Variants in MLXIPL observed in about 807,000 individuals in gnomAD.
The protein encoded by MLXIPL is carbohydrate-responsive element-binding protein.
MLXIPL carries 49 observed loss-of-function variants against 81.5 expected under a neutral mutation model. The ratio of observed to expected loss-of-function variants is 0.60; its 90% CI spans 0.48 to 0.76. The LOEUF (loss-of-function observed/expected upper bound fraction) is 0.76, where lower values mean the gene tolerates loss of function less well. Among genes scored for constraint, MLXIPL ranks in the 30% least tolerant of loss-of-function variants. The pLI is 0.00. For missense variants in MLXIPL, 1,053 were observed against 1,167.0 expected, an observed-to-expected ratio of 0.90 and a Z score of 1.42; for synonymous variants, 466 against 485.5, an observed-to-expected ratio of 0.96 and a Z score of 0.53.
rs1053127382 is a variant in MLXIPL, at chr7:73,623,792, G to A, written c.293+408C>T. Among the ~76,000 whole-genome samples, 5 of 152,102 alleles carry A rather than the reference G, an allele frequency of 3.3e-5. No homozygotes were observed. Among genetic ancestry groups the A allele is most frequent in the African/African-American group, 4.8e-5 (2 of 41,436 alleles). ...TGGGGAGAAGGCCGAGGCCTGCAGG[G>A]GGTCGGGTGGAGTGGCTCCAGAGTG... is the stretch of plus-strand genomic sequence containing the variant. On this transcript the variant is annotated intron_variant, in intron 1 of 16. Transcript: ENST00000313375. This position sits in a 1 kb window ranked among gnomAD's most constrained non-coding sequence, Gnocchi z 5.7.
rs1554592958 is a variant in MLXIPL at position 73,594,385 on chromosome 7, G to T, written c.2329C>A (p.Pro777Thr). ...KFWVFSILIRPLFESFNGMVS... is the reference protein window; with the variant it reads ...KFWVFSILIRTLFESFNGMVS... ...ATCCCGTTGAAGGACTCAAACAGAGGCCGGATGAGGATGCTGAACTGGGCC... is the reference window on the plus strand; with the variant it reads ...ATCCCGTTGAAGGACTCAAACAGAGTCCGGATGAGGATGCTGAACTGGGCC... Residue 777 changes from proline (P) to threonine (T), a missense_variant, in exon 16 of 17, where the codon CCT becomes ACT. Pro to Thr is a conservative substitution (Grantham distance 38). Transcript: ENST00000313375. 2.5e-6 allele frequency: 4 copies of T among 1,604,412 alleles called. No individual in the cohort carries two copies. The highest frequency in any genetic ancestry group is 3.4e-6 in the Non-Finnish European group (4 of 1,179,980).
chr7:73,625,926 T>G (rs1796716455), upstream of MLXIPL, among the ~76,000 whole-genome samples: 1 of 152,202 alleles, frequency 6.6e-6, no homozygotes, highest in African/African-American at 2.4e-5. Context: ...ACCCAGGAGC[T>G]CTGAGCCCCT....
At chr7:73,633,651 G>A in the MLXIPL span, among the ~76,000 whole-genome samples, 1 of 151,822 alleles carries the variant, frequency 6.6e-6, no homozygotes, top group African/African-American at 2.4e-5. Flanking sequence ...ACAGGATCTT[G>A]CTATATTGCC....
chr7:73,618,796 G>A (rs1031981851), intron 1 of MLXIPL, among the ~76,000 whole-genome samples: 2 of 152,140 alleles, frequency 1.3e-5, no homozygotes, highest in African/African-American at 4.8e-5. Flanking sequence ...TCCTGAGTCT[G>A]TTGTCCCTGT....
At chr7:73,624,881 G>C, upstream of MLXIPL, among the ~76,000 whole-genome samples, 1 of 151,974 alleles carries the variant, frequency 6.6e-6, no homozygotes, top group East Asian at 1.9e-4. Context: ...AATATGGCAA[G>C]ACCCCCATCT....
the MLXIPL span, among the ~76,000 whole-genome samples, chr7:73,647,179 CT>C: frequency 1.3e-5 from 2 of 152,194 alleles, no homozygotes; most frequent in African/African-American, 4.8e-5. Context: ...GCTTTCCCCC[CT>C]GGGCAGAGCA....
upstream of MLXIPL, among the ~76,000 whole-genome samples, chr7:73,629,035 T>C (rs35144872): frequency 6.6e-6 from 1 of 151,352 alleles, no homozygotes; most frequent in Non-Finnish European, 1.5e-5. Context: ...ACCACCCTTG[T>C]TCTTTTCTTT....
At chr7:73,647,888 C>G in the MLXIPL span, among the ~76,000 whole-genome samples, 1 of 151,112 alleles carries the variant, frequency 6.6e-6, no homozygotes, top group South Asian at 2.1e-4. Flanking sequence ...GCCTTCTCCG[C>G]GCGGGCGGCA....
Position 73,599,657 on chromosome 7 carries a change from G to T in MLXIPL, c.940C>A (p.Pro314Thr), listed in dbSNP as rs551672733. 5 of 1,607,838 alleles carry T rather than the reference G, an allele frequency of 3.1e-6. No homozygotes were observed. Among genetic ancestry groups the T allele is most frequent in the East Asian group, 4.5e-5 (2 of 44,742 alleles). Residue 314 changes from proline (P) to threonine (T), a missense_variant, in exon 8 of 17, where the codon CCT becomes ACT. Pro to Thr is a conservative substitution (Grantham distance 38). This residue lies in a region of MLXIPL where 823 missense variants were observed against 933.0 expected (regional missense o/e 0.88). Coordinates refer to ENST00000313375, the MANE Select transcript of MLXIPL (RefSeq NM_032951.3). Reference protein sequence around the residue: ...TNSRLPQPPMPSNFPEPPSFS... With the variant: ...TNSRLPQPPMTSNFPEPPSFS... Reference sequence around the variant, plus strand: ...CTGGGGGGCTCTGGGAAGTTTGAAGGCATGGGCGGCTGTGGGAGGCGGGAG... The same window carrying T: ...CTGGGGGGCTCTGGGAAGTTTGAAGTCATGGGCGGCTGTGGGAGGCGGGAG...
chr7:73,634,220 C>T, the MLXIPL span, among the ~76,000 whole-genome samples: 1 of 151,974 alleles, frequency 6.6e-6, no homozygotes, highest in African/African-American at 2.4e-5. Context: ...TCAGAAGTAC[C>T]CCAATTGTTC....
chr7:73,628,776 C>T (rs1554604118), upstream of MLXIPL, among the ~76,000 whole-genome samples: 1 of 152,248 alleles, frequency 6.6e-6, no homozygotes. Context: ...CTATAGCCAG[C>T]AGTTTACAGC....
At chr7:73,607,543 T>A (rs1255981179) in intron 3 of MLXIPL, 47 bp downstream of exon 3, 3 of 1,596,940 alleles carry the variant, frequency 1.9e-6, no homozygotes, top group Non-Finnish European at 2.6e-6. Flanking sequence ...CTGGTCTTGG[T>A]GGGTGGGCAG....
chr7:73,596,926 G>A lies in MLXIPL; in HGVS notation c.1610C>T (p.Pro537Leu), dbSNP rs183469002. 2.4e-5 allele frequency: 38 copies of A among 1,609,354 alleles called. No individual in the cohort carries two copies. The African/African-American group carries it at 3.7e-4, about 16-fold the overall frequency. The change falls in exon 10 of 17, where the codon CCG becomes CTG. Residue 537 changes from proline (P) to leucine (L), a missense_variant. By Grantham distance (98) the Pro-to-Leu change is moderately conservative (BLOSUM62 -3). Transcript: ENST00000313375. This position sits in a 1 kb window ranked among gnomAD's most constrained non-coding sequence, Gnocchi z 4.7. ...AAGTGGTGGCTCCAGGGCTTGCTCC[G>A]GCTTAGCTGTGCACGGGCAGAACCG... ...CLTQLLTAAK[P>L]EQALEPPLVS...
chr7:73,604,512 G>T (rs1795131704), intron 7 of MLXIPL, among the ~76,000 whole-genome samples: 1 of 152,098 alleles, frequency 6.6e-6, no homozygotes, highest in Non-Finnish European at 1.5e-5. Flanking sequence ...GGTTGAGGCT[G>T]CAGTGAGCTG....
intron 7 of MLXIPL, among the ~76,000 whole-genome samples, chr7:73,600,435 G>C (rs1554595814): frequency 9.9e-6 from 1 of 100,668 alleles, no homozygotes; most frequent in Non-Finnish European, 2.0e-5. Flanking sequence ...GGGGCTAAGG[G>C]TGGGCTCTGA....
the MLXIPL span, among the ~76,000 whole-genome samples, chr7:73,633,787 C>A: frequency 6.6e-6 from 1 of 152,060 alleles, no homozygotes; most frequent in South Asian, 2.1e-4. Flanking sequence ...CCCTAAACAG[C>A]CTGAGCACCT....
the MLXIPL span, among the ~76,000 whole-genome samples, chr7:73,643,884 AG>A: frequency 3.3e-5 from 5 of 152,222 alleles, no homozygotes; most frequent in African/African-American, 1.2e-4. Context: ...CTCCCGCCTC[AG>A]CCTCCCAAGT....
At chr7:73,624,705 T>G, upstream of MLXIPL, 2 of 586,878 alleles carry the variant, frequency 3.4e-6, no homozygotes, top group Non-Finnish European at 4.3e-6. Context: ...CCCATCTCCC[T>G]TCCCGTCTTT....
At chr7:73,644,138 T>C in the MLXIPL span, among the ~76,000 whole-genome samples, 2 of 151,964 alleles carry the variant, frequency 1.3e-5, no homozygotes, top group Middle Eastern at 3.4e-3. Flanking sequence ...TCTCAAGCAA[T>C]CCTCCTGCCT....
Sources: gnomAD v4.1 joint callset for allele counts (sites outside exome capture counted in the v4.1 genomes callset) on GRCh38, gnomAD v4.1.1 for gene constraint, gnomAD v4.1.1 regional missense constraint, Gnocchi (gnomAD v3.1) non-coding constraint, MANE v1.5 for transcripts, NCBI Gene and HGNC (gene_info 2026-07-23, HGNC 2026-07-21) for gene names.